Variants in TAFA1 observed in about 807,000 individuals in gnomAD.
TAFA1 encodes the protein chemokine-like protein TAFA-1.
A neutral mutation model predicts 18.5 loss-of-function variants in TAFA1; 4 were observed. That is an observed-to-expected ratio of 0.22 (90% CI 0.11 to 0.49). The LOEUF is 0.49. TAFA1 is among the 20% of genes least tolerant of loss of function. TAFA1 has a pLI of 0.98. For synonymous variants in TAFA1, 56 were observed against 55.2 expected (o/e 1.01, Z -0.06); for missense variants, 147 against 169.0 (o/e 0.87, Z 0.72).
intron 2 of TAFA1, among the ~76,000 whole-genome samples, chr3:68,111,372 A>AAT (rs954834365): frequency 1.2e-4 from 18 of 152,122 alleles, no homozygotes; most frequent in African/African-American, 3.9e-4. Context: ...GGGCAAAATA[A>AAT]ATATATATAT....
chr3:68,102,567 G>A (rs1457723658), intron 2 of TAFA1, among the ~76,000 whole-genome samples: 1 of 152,092 alleles, frequency 6.6e-6, no homozygotes, highest in Non-Finnish European at 1.5e-5. Flanking sequence ...CAGGGGTGAG[G>A]CTCGGATCAG....
intron 2 of TAFA1, among the ~76,000 whole-genome samples, chr3:68,378,249 T>C (rs2069858790): frequency 6.6e-6 from 1 of 152,172 alleles, no homozygotes; most frequent in South Asian, 2.1e-4. Flanking sequence ...AAGGCTGCCA[T>C]GGCTGTGTGA....
At chr3:68,419,489 C>G (rs2070914511) in intron 3 of TAFA1, among the ~76,000 whole-genome samples, 1 of 152,156 alleles carries the variant, frequency 6.6e-6, no homozygotes. Flanking sequence ...TTATATGTTA[C>G]TGTCAAACAA....
At chr3:68,515,133 C>T (rs1270664121) in intron 3 of TAFA1, among the ~76,000 whole-genome samples, 1 of 152,114 alleles carries the variant, frequency 6.6e-6, no homozygotes, top group African/African-American at 2.4e-5. Flanking sequence ...GTAGCATCTG[C>T]ATGTGCACTT....
intron 3 of TAFA1, among the ~76,000 whole-genome samples, chr3:68,521,856 G>GTTTTTTTTTGTTTTTTT (rs2073029878): frequency 2.8e-5 from 2 of 70,844 alleles, no homozygotes; most frequent in African/African-American, 5.7e-5. Context: ...GTTTTTTTCT[G>GTTTTTTTTTGTTTTTTT]TTTTTTTTTT....
intron 2 of TAFA1, among the ~76,000 whole-genome samples, chr3:68,156,976 T>C (rs915079903): frequency 1.3e-5 from 2 of 152,180 alleles, no homozygotes; most frequent in Non-Finnish European, 2.9e-5. Context: ...ACTGCCTTTA[T>C]AAGCCCTGGG....
chr3:68,204,901 G>A (rs2066508240), intron 2 of TAFA1, among the ~76,000 whole-genome samples: 1 of 151,784 alleles, frequency 6.6e-6, no homozygotes, highest in Non-Finnish European at 1.5e-5. Flanking sequence ...CCTCCCAGAT[G>A]TCCTATAAAC....
intron 3 of TAFA1, among the ~76,000 whole-genome samples, chr3:68,535,193 G>T (rs2106782710): frequency 6.6e-6 from 1 of 152,214 alleles, no homozygotes; most frequent in African/African-American, 2.4e-5. Context: ...GGCAAACCTT[G>T]ATTTGTGTCT....
At chr3:68,395,493 C>G (rs781095748) in intron 2 of TAFA1, among the ~76,000 whole-genome samples, 2 of 151,344 alleles carry the variant, frequency 1.3e-5, no homozygotes, top group Non-Finnish European at 3.0e-5. Flanking sequence ...CATACGTTTA[C>G]TGCACATGCA....
intron 2 of TAFA1, among the ~76,000 whole-genome samples, chr3:68,203,897 A>T (rs2066495654): frequency 6.6e-6 from 1 of 151,484 alleles, no homozygotes; most frequent in African/African-American, 2.4e-5. Context: ...TCCAATATTC[A>T]CTGTGAGAAC....
At chr3:68,259,777 A>G (rs1400875143) in intron 2 of TAFA1, among the ~76,000 whole-genome samples, 8 of 152,030 alleles carry the variant, frequency 5.3e-5, no homozygotes, top group African/African-American at 1.7e-4. Context: ...TGATTTTTGT[A>G]CATTGATTTT....
rs115884253 is a variant in TAFA1, at chr3:68,192,834, G to T, written c.118+186090G>T. 7.9e-3 allele frequency among the ~76,000 whole-genome samples: 1,203 copies of T among 151,830 alleles called. 15 individuals are homozygous for T. Among genetic ancestry groups the T allele is most frequent in the African/African-American group, 0.028 (1,155 of 41,490 alleles). On this transcript the variant is annotated intron_variant, in intron 2 of 4. Transcript: ENST00000478136. The stretch of plus-strand genomic sequence containing the variant: ...AAGAAGTAGGCTTGGAGGGTGTGAT[G>T]GATCAGCTGAGACCTGAAACTTGAC...
At chr3:68,295,697 C>T (rs2068195544) in intron 2 of TAFA1, among the ~76,000 whole-genome samples, 1 of 152,172 alleles carries the variant, frequency 6.6e-6, no homozygotes, top group East Asian at 1.9e-4. Flanking sequence ...GCCTCAAACT[C>T]CTAGGCACAA....
chr3:68,233,007 C>A (rs2066889648), intron 2 of TAFA1, among the ~76,000 whole-genome samples: 1 of 152,092 alleles, frequency 6.6e-6, no homozygotes, highest in African/African-American at 2.4e-5. Flanking sequence ...TGCATCCTTG[C>A]CAGCATTTGT....
At chr3:68,128,616 A>G (rs867341463) in intron 2 of TAFA1, among the ~76,000 whole-genome samples, 1 of 152,154 alleles carries the variant, frequency 6.6e-6, no homozygotes, top group Admixed American at 6.6e-5. Context: ...TTGTCTGCCA[A>G]ATTCTTATGA....
chr3:68,409,989 A>G (rs9822557), intron 2 of TAFA1, among the ~76,000 whole-genome samples: 76,705 of 151,940 alleles, frequency 0.5, 19,916 homozygotes, highest in African/African-American at 0.62. Flanking sequence ...TATCTTCCTT[A>G]TTTCCTCACT....
upstream of TAFA1, among the ~76,000 whole-genome samples, chr3:67,999,487 G>A (rs1559696794): frequency 6.6e-6 from 1 of 151,910 alleles, no homozygotes; most frequent in African/African-American, 2.4e-5. Context: ...AGATTTTGGG[G>A]GTCTCTTCTA....
intron 2 of TAFA1, among the ~76,000 whole-genome samples, chr3:68,200,777 A>C (rs1163561842): frequency 6.6e-6 from 1 of 151,408 alleles, no homozygotes; most frequent in South Asian, 2.1e-4. Context: ...GAGGATTATC[A>C]TTTTAATTAT....
chr3:68,113,764 A>G (rs1312339029), intron 2 of TAFA1, among the ~76,000 whole-genome samples: 1 of 151,910 alleles, frequency 6.6e-6, no homozygotes, highest in East Asian at 1.9e-4. Flanking sequence ...CTGGCCATTC[A>G]TTTCCTCCTT....
Sources: gnomAD v4.1 joint callset for allele counts (sites outside exome capture counted in the v4.1 genomes callset) on GRCh38, gnomAD v4.1.1 for gene constraint, MANE v1.5 for transcripts, NCBI Gene and HGNC (gene_info 2026-07-23, HGNC 2026-07-21) for gene names.